The following TMEM230 variants were observed in gnomAD, a reference collection of about 807,000 sequenced individuals.
TMEM230 encodes the protein transmembrane protein 230, also known as UPF0414 transmembrane protein C20orf30.
In TMEM230, 10 loss-of-function variants were observed where a neutral mutation model predicts 15.8. The observed-to-expected ratio is 0.63, with a 90% CI of 0.39 to 1.07. The LOEUF (loss-of-function observed/expected upper bound fraction) is 1.07, where lower values mean the gene tolerates loss of function less well. TMEM230 is among the 50% of genes least tolerant of loss of function. TMEM230 has a pLI of 0.01. For missense variants in TMEM230, 165 were observed against 193.3 expected, an observed-to-expected ratio of 0.85 and a Z score of 0.87; for synonymous variants, 67 against 76.9, an observed-to-expected ratio of 0.87 and a Z score of 0.68.
chr20:5,107,244 C>T (rs966799668), intron 3 of TMEM230, among the ~76,000 whole-genome samples: 4 of 152,104 alleles, frequency 2.6e-5, no homozygotes, highest in East Asian at 1.9e-4. Flanking sequence ...GAAGAGGCAG[C>T]GAGCTGAGAT....
chr20:5,103,823 A>T (rs1042748777), intron 4 of TMEM230, among the ~76,000 whole-genome samples: 1 of 152,158 alleles, frequency 6.6e-6, no homozygotes, highest in African/African-American at 2.4e-5. Context: ...TAAGACCTAA[A>T]ACTATGAAAC....
At chr20:5,068,830 A>G (rs2088730588) in exon 4 of TMEM230, 1 of 184,846 alleles carries the variant, frequency 5.4e-6, no homozygotes, top group African/African-American at 2.4e-5. Flanking sequence ...ACCACCCTGC[A>G]GTCCCTTTGT....
chr20:5,081,864 C>CTTTTTTTTTTTTTTTTTT (rs770805896), intron 3 of TMEM230, among the ~76,000 whole-genome samples: 1 of 140,334 alleles, frequency 7.1e-6, no homozygotes, highest in African/African-American at 3.0e-5. Flanking sequence ...CACTGATTTT[C>CTTTTTTTTTTTTTTTTTT]TTTTTTTTCT....
chr20:5,059,783 T>G, the TMEM230 span, among the ~76,000 whole-genome samples: 599 of 139,842 alleles, frequency 4.3e-3, 5 homozygotes, highest in African/African-American at 0.016. Flanking sequence ...TTTTTTTTTT[T>G]TTTTTTTTTT....
intron 3 of TMEM230, among the ~76,000 whole-genome samples, chr20:5,089,167 G>A (rs1476116998): frequency 1.3e-5 from 2 of 152,106 alleles, no homozygotes; most frequent in African/African-American, 4.8e-5. Context: ...GAGGTCAGAA[G>A]ATCAAGACCA....
chr20:5,059,394 A>C, the TMEM230 span, among the ~76,000 whole-genome samples: 1 of 152,064 alleles, frequency 6.6e-6, no homozygotes, highest in African/African-American at 2.4e-5. Flanking sequence ...TGTATATAGC[A>C]CATGTTGTAT....
chr20:5,085,927 G>A (rs2089322680), intron 3 of TMEM230, among the ~76,000 whole-genome samples: 2 of 152,106 alleles, frequency 1.3e-5, no homozygotes, highest in African/African-American at 2.4e-5. Flanking sequence ...GGCCATACCT[G>A]CCGTGTCACC....
chr20:5,106,374 CATTT>C (rs1432827172), intron 3 of TMEM230, 64 bp from the exon 3 acceptor site: 1 of 1,510,254 alleles, frequency 6.6e-7, no homozygotes, highest in African/African-American at 1.4e-5. Flanking sequence ...TGGGTTCAAA[CATTT>C]AATTAATTAT....
intron 4 of TMEM230, among the ~76,000 whole-genome samples, chr20:5,101,648 G>T (rs1015566958): frequency 5.1e-4 from 77 of 152,042 alleles, no homozygotes; most frequent in African/African-American, 1.7e-3. Context: ...GGCTGGTCTC[G>T]AACTCTGGGG....
chr20:5,112,987 C>T lies in TMEM230; in HGVS notation c.42G>A (p.Val14=). 6.4e-7 allele frequency: 1 copy of T among 1,550,920 alleles called. No individual in the cohort carries two copies. The highest frequency in any genetic ancestry group is 2.4e-5 in the East Asian group (1 of 41,030). Residue 14 remains valine, a synonymous_variant, in exon 1 of 5, where the codon GTG becomes GTA. In the 5' UTR this introduces an upstream ATG that the reference lacks. Coordinates refer to ENST00000342308, the MANE Select transcript of TMEM230 (RefSeq NM_001009923.2). ...GGAGCGCCGCGCCAGGCCGCCCGCACACCCAGAGCTCGCCCACGGTTGGCA... is the reference window on the plus strand; with the variant it reads ...GGAGCGCCGCGCCAGGCCGCCCGCATACCCAGAGCTCGCCCACGGTTGGCA...
chr20:5,063,756 T>C (rs6053067), downstream of TMEM230, among the ~76,000 whole-genome samples: 99,008 of 152,036 alleles, frequency 0.65, 33,024 homozygotes, highest in East Asian at 0.81. Flanking sequence ...TCTCTGACCA[T>C]GATGAAATAG....
intron 3 of TMEM230, 23 bp downstream of exon 2, chr20:5,109,309 T>C (rs2090217455): frequency 1.3e-6 from 2 of 1,581,658 alleles, no homozygotes; most frequent in South Asian, 2.2e-5. Context: ...CAGTCAGTCT[T>C]GTCAGTTCTC....
At chr20:5,099,404 C>T (rs1008146289), downstream of TMEM230, among the ~76,000 whole-genome samples, 3 of 151,924 alleles carry the variant, frequency 2.0e-5, no homozygotes, top group African/African-American at 7.3e-5. Flanking sequence ...GTCAACATTC[C>T]CATTACCAAA....
chr20:5,103,477 C>T lies in TMEM230; in HGVS notation c.412-2546G>A, dbSNP rs147690932. On this transcript the variant is annotated intron_variant, in intron 4 of 4. Transcript: ENST00000342308. ...GAGTTCGAGATCAGCCTGGGCAACA[C>T]GGCAAAACCTCATCTATACAAAAAA... is the stretch of plus-strand genomic sequence containing the variant. Among the ~76,000 whole-genome samples, 391 of 151,412 alleles carry T rather than the reference C, an allele frequency of 2.6e-3. 3 individuals are homozygous for T. The highest frequency in any genetic ancestry group is 8.9e-3 in the African/African-American group (367 of 41,216).
At chr20:5,103,951 C>A (rs6116650) in intron 4 of TMEM230, among the ~76,000 whole-genome samples, 1 of 151,916 alleles carries the variant, frequency 6.6e-6, no homozygotes, top group African/African-American at 2.4e-5. Flanking sequence ...AGATCACATC[C>A]GGTTAAAAAG....
intron 3 of TMEM230, among the ~76,000 whole-genome samples, chr20:5,078,948 C>T (rs1180677237): frequency 2.0e-5 from 3 of 152,130 alleles, no homozygotes; most frequent in Non-Finnish European, 4.4e-5. Flanking sequence ...CACCAATGGG[C>T]CCAGCCTACA....
At chr20:5,107,025 G>A (rs1266522238) in intron 3 of TMEM230, among the ~76,000 whole-genome samples, 1 of 152,186 alleles carries the variant, frequency 6.6e-6, no homozygotes, top group Non-Finnish European at 1.5e-5. Flanking sequence ...CTTTAAAACA[G>A]GGAGGAGAGC....
chr20:5,106,090 C>T (rs1216981657), intron 4 of TMEM230, 98 bp downstream of exon 3: 5 of 1,400,166 alleles, frequency 3.6e-6, no homozygotes, highest in Non-Finnish European at 4.8e-6. Flanking sequence ...CACACACACA[C>T]ACACACACAC....
chr20:5,063,097 T>G, the TMEM230 span, among the ~76,000 whole-genome samples: 1 of 151,816 alleles, frequency 6.6e-6, no homozygotes, highest in East Asian at 1.9e-4. Flanking sequence ...TGTCCTACTG[T>G]GAATGTCTAA....
Sources: allele counts gnomAD v4.1 joint callset (sites outside exome capture counted in the v4.1 genomes callset), GRCh38; gene constraint gnomAD v4.1.1; transcripts MANE v1.5; gene names NCBI Gene and HGNC (gene_info 2026-07-23, HGNC 2026-07-21).